DLG2: variants seen among roughly 807,000 people sequenced by gnomAD.
The protein encoded by DLG2 is disks large homolog 2.
A neutral mutation model predicts 132.5 loss-of-function variants in DLG2; 45 were observed. The observed-to-expected ratio is 0.34, with a 90% CI of 0.27 to 0.44. The LOEUF is 0.44. DLG2 is among the 20% of genes least tolerant of loss of function. The probability of loss-of-function intolerance (pLI) is 1.00; values close to 1 mark genes in which losing one functional copy is unlikely to be tolerated. For synonymous variants in DLG2, 424 were observed against 419.6 expected, an observed-to-expected ratio of 1.01 and a Z score of -0.13; for missense variants, 1,045 against 1,196.9, an observed-to-expected ratio of 0.87 and a Z score of 1.87.
intron 4 of DLG2, among the ~76,000 whole-genome samples, chr11:85,215,727 T>G (rs1406359206): frequency 2.0e-5 from 3 of 152,180 alleles, no homozygotes; most frequent in Non-Finnish European, 2.9e-5. Flanking sequence ...CTCTACAAAT[T>G]TACTCTTCTT....
intron 3 of DLG2, among the ~76,000 whole-genome samples, chr11:85,436,708 A>T (rs2153023143): frequency 6.6e-6 from 1 of 152,344 alleles, no homozygotes; most frequent in South Asian, 2.1e-4. Context: ...GTTGGTAGGA[A>T]TATAAATTAG....
chr11:84,452,143 G>A (rs544853725), intron 7 of DLG2, among the ~76,000 whole-genome samples: 162 of 151,448 alleles, frequency 1.1e-3, no homozygotes, highest in African/African-American at 3.8e-3. Flanking sequence ...AGGAGGAGGA[G>A]GAGATGAGGA....
chr11:85,558,322 T>C (rs1011510387), intron 3 of DLG2, among the ~76,000 whole-genome samples: 4 of 151,912 alleles, frequency 2.6e-5, no homozygotes, highest in African/African-American at 9.7e-5. Flanking sequence ...GGCAAGGCTG[T>C]GGAGAAAAGG....
chr11:83,513,398 G>A (rs183212326), intron 21 of DLG2, among the ~76,000 whole-genome samples: 1 of 152,136 alleles, frequency 6.6e-6, no homozygotes, highest in East Asian at 1.9e-4. Flanking sequence ...TTGTAAATTT[G>A]TTGGAGTTCA....
At chr11:84,778,168 A>G (rs536779235) in intron 6 of DLG2, among the ~76,000 whole-genome samples, 105 of 152,284 alleles carry the variant, frequency 6.9e-4, no homozygotes, top group Non-Finnish European at 7.4e-5. Flanking sequence ...ATTCATCTGC[A>G]TATGGTAATC....
chr11:84,517,916 C>A (rs1318678739), intron 7 of DLG2, among the ~76,000 whole-genome samples: 1 of 151,864 alleles, frequency 6.6e-6, no homozygotes, highest in Non-Finnish European at 1.5e-5. Context: ...ACAAATATAG[C>A]ATGATCTTAC....
At chr11:84,919,250 T>A (rs1209884500) in intron 6 of DLG2, among the ~76,000 whole-genome samples, 1 of 152,136 alleles carries the variant, frequency 6.6e-6, no homozygotes, top group African/African-American at 2.4e-5. Flanking sequence ...CTTATCTAAC[T>A]TACTGCTTAT....
intron 18 of DLG2, among the ~76,000 whole-genome samples, chr11:83,657,131 T>G (rs2072734195): frequency 6.6e-6 from 1 of 152,238 alleles, no homozygotes; most frequent in South Asian, 2.1e-4. Context: ...AAAACTTGTC[T>G]TATTCTGTCT....
At chr11:84,902,909 T>C (rs912684001) in intron 6 of DLG2, among the ~76,000 whole-genome samples, 9 of 152,160 alleles carry the variant, frequency 5.9e-5, no homozygotes, top group Non-Finnish European at 1.2e-4. Context: ...CTCACAGTTA[T>C]TGTCTTACTT....
In DLG2 at chr11:84,487,546, T is replaced by G. The variant is rs187668032; in HGVS notation, c.519+47024A>C. 2.5e-4 allele frequency among the ~76,000 whole-genome samples: 38 copies of G among 152,234 alleles called. No homozygotes were observed. In the East Asian group the frequency reaches 2.5e-3, roughly 10 times the overall value. On this transcript the variant is annotated intron_variant, in intron 7 of 27. Transcript: ENST00000376104. ...CTCACTTCAGAATGTCCTAATAACT[T>G]AGGTATTTTATGAAAACTTTTTAAT...
chr11:85,441,399 A>G (rs991370302), intron 3 of DLG2, among the ~76,000 whole-genome samples: 4 of 152,108 alleles, frequency 2.6e-5, no homozygotes. Context: ...CTTCTCCAGT[A>G]TATTTCCTAT....
At chr11:84,315,508 T>G (rs1313346791) in intron 7 of DLG2, among the ~76,000 whole-genome samples, 4 of 152,176 alleles carry the variant, frequency 2.6e-5, no homozygotes, top group Non-Finnish European at 5.9e-5. Context: ...CTAAAGACAT[T>G]TAAATGAATG....
intron 18 of DLG2, among the ~76,000 whole-genome samples, chr11:83,643,411 C>T (rs2067176024): frequency 6.6e-6 from 1 of 152,126 alleles, no homozygotes; most frequent in Non-Finnish European, 1.5e-5. Flanking sequence ...AGTGTGGATG[C>T]ACAAATTGTA....
At chr11:84,287,741 G>GACACATAC in intron 7 of DLG2, among the ~76,000 whole-genome samples, 1 of 139,292 alleles carries the variant, frequency 7.2e-6, no homozygotes, top group African/African-American at 2.7e-5. Context: ...CTCTCTCTTA[G>GACACATAC]ACACACACAC....
At chr11:84,012,775 A>G (rs2094956637) in intron 11 of DLG2, among the ~76,000 whole-genome samples, 1 of 152,158 alleles carries the variant, frequency 6.6e-6, no homozygotes, top group Non-Finnish European at 1.5e-5. Flanking sequence ...TGGCCCTTTG[A>G]TTTAATAGTC....
At chr11:84,995,915 T>C (rs557857571) in intron 6 of DLG2, among the ~76,000 whole-genome samples, 17 of 152,274 alleles carry the variant, frequency 1.1e-4, no homozygotes, top group African/African-American at 4.1e-4. Context: ...CTCTGCTTAG[T>C]GGCTTGCACA....
intron 7 of DLG2, among the ~76,000 whole-genome samples, chr11:84,483,633 C>T (rs185717984): frequency 6.4e-4 from 98 of 152,072 alleles, no homozygotes; most frequent in South Asian, 2.5e-3. Context: ...GGTATCGTTA[C>T]GAGTTTATCC....
intron 16 of DLG2, among the ~76,000 whole-genome samples, chr11:83,870,518 G>A (rs1012191289): frequency 6.6e-6 from 1 of 152,078 alleles, no homozygotes; most frequent in Non-Finnish European, 1.5e-5. Context: ...TCGTTGATAG[G>A]CACTTAGGTT....
chr11:85,170,888 C>A (rs1325968261), intron 4 of DLG2, among the ~76,000 whole-genome samples: 1 of 151,640 alleles, frequency 6.6e-6, no homozygotes, highest in Non-Finnish European at 1.5e-5. Flanking sequence ...GTCCCACCAG[C>A]CCAACTCCCC....
Sources: allele counts gnomAD v4.1 joint callset (sites outside exome capture counted in the v4.1 genomes callset), GRCh38; gene constraint gnomAD v4.1.1; transcripts MANE v1.5; gene names NCBI Gene and HGNC (gene_info 2026-07-23, HGNC 2026-07-21).